Variants in CTNNA2 observed in about 807,000 individuals in gnomAD.
CTNNA2 encodes catenin alpha-2.
In CTNNA2, 42 loss-of-function variants were observed where a neutral mutation model predicts 101.0. The ratio of observed to expected loss-of-function variants is 0.42; its 90% CI spans 0.32 to 0.54. The LOEUF is 0.54. CTNNA2 is among the 20% of genes least tolerant of loss of function. The pLI is 0.14. For missense variants in CTNNA2, 871 were observed against 1,223.1 expected, an observed-to-expected ratio of 0.71 and a Z score of 4.29; for synonymous variants, 450 against 456.4, an observed-to-expected ratio of 0.99 and a Z score of 0.18.
At position 79,638,912 on chromosome 2, in the gene CTNNA2, T is replaced by C. The variant is rs1396354075; in HGVS notation, c.-5-12640T>C. Reference sequence around the variant, plus strand: ...TTCTTTATATCATGATTACTTTGTCTCCTTGACTCTCCATCCTAGAGTTAC... The same window carrying C: ...TTCTTTATATCATGATTACTTTGTCCCCTTGACTCTCCATCCTAGAGTTAC... On this transcript the variant is annotated intron_variant, in intron 1 of 18. Transcript: ENST00000402739. Among the ~76,000 whole-genome samples, 3 of 152,246 alleles carry C rather than the reference T, an allele frequency of 2.0e-5. No homozygotes were observed. The East Asian group carries it at 5.8e-4, about 29-fold the overall frequency.
chr2:79,675,842 T>A (rs1409596280), intron 2 of CTNNA2, among the ~76,000 whole-genome samples: 2 of 152,230 alleles, frequency 1.3e-5, no homozygotes, highest in East Asian at 3.8e-4. Context: ...AAAATGTAAG[T>A]TCTTCTTTCT....
At chr2:79,345,627 G>A (rs1314309241) in intron 3 of CTNNA2, among the ~76,000 whole-genome samples, 1 of 152,116 alleles carries the variant, frequency 6.6e-6, no homozygotes, top group Non-Finnish European at 1.5e-5. Flanking sequence ...GTTCTGAGGG[G>A]CCTTTAGAGA....
In CTNNA2 at chr2:79,939,262, A is replaced by T. The variant is rs533412166; in HGVS notation, c.1056+29465A>T. ...TTGTGTAGACATGGGTAGCTGAAGT[A>T]GCTTGTAGCATCTGACTCCAAATTG... On this transcript the variant is annotated intron_variant, in intron 7 of 18. Transcript: ENST00000402739. Among the ~76,000 whole-genome samples, 642 of 152,358 alleles carry T rather than the reference A, an allele frequency of 4.2e-3. 2 individuals are homozygous for T. The highest frequency in any genetic ancestry group is 0.015 in the African/African-American group (612 of 41,574).
chr2:79,504,753 ACAT>A lies in CTNNA2; in HGVS notation c.-134-297_-134-295del, dbSNP rs1249752760. On this transcript the variant is annotated intron_variant, in intron 4 of 21. Coordinates refer to the CTNNA2 transcript ENST00000466387. Reference sequence around the variant, plus strand: ...AGTGGATGCATCTTGATCAGGAGAAACATCATGTCATTGTCTTTTTAGTTGTAT... The same window carrying A: ...AGTGGATGCATCTTGATCAGGAGAAACATGTCATTGTCTTTTTAGTTGTAT... Among the ~76,000 whole-genome samples the A allele has an allele frequency of 3.9e-5, 6 of 152,292 alleles. 1 individual carries two copies. The East Asian group carries it at 9.6e-4, about 24-fold the overall frequency.
chr2:80,125,195 C>T (rs1312723539), intron 7 of CTNNA2, among the ~76,000 whole-genome samples: 2 of 152,090 alleles, frequency 1.3e-5, no homozygotes, highest in African/African-American at 2.4e-5. Context: ...TGACATTTTA[C>T]AGCAGAGGAA....
intron 3 of CTNNA2, among the ~76,000 whole-genome samples, chr2:79,812,132 T>C (rs973193212): frequency 1.5e-4 from 23 of 152,198 alleles, no homozygotes; most frequent in Non-Finnish European, 3.1e-4. Flanking sequence ...TCCAATGTCA[T>C]TTTTTGTAGA....
At chr2:79,938,910 C>T (rs1687964416) in intron 7 of CTNNA2, among the ~76,000 whole-genome samples, 1 of 152,068 alleles carries the variant, frequency 6.6e-6, no homozygotes, top group African/African-American at 2.4e-5. Flanking sequence ...GTAATAAAAC[C>T]TTTGGTTCTC....
intron 3 of CTNNA2, among the ~76,000 whole-genome samples, chr2:79,856,137 G>A (rs558956089): frequency 3.9e-5 from 6 of 152,168 alleles, no homozygotes; most frequent in Non-Finnish European, 7.3e-5. Flanking sequence ...CAAGCTATTT[G>A]TGTGTGCCTA....
intron 6 of CTNNA2, among the ~76,000 whole-genome samples, chr2:79,887,319 G>T (rs1351700017): frequency 6.6e-6 from 1 of 152,160 alleles, no homozygotes; most frequent in Admixed American, 6.5e-5. Flanking sequence ...CATGAGAATT[G>T]TACTTTTTAT....
At chr2:79,254,405 G>C (rs1415816256) in intron 2 of CTNNA2, among the ~76,000 whole-genome samples, 1 of 152,088 alleles carries the variant, frequency 6.6e-6, no homozygotes, top group Admixed American at 6.6e-5. Context: ...TCCTGGTACT[G>C]TGTAGTCAGT....
chr2:79,698,003 T>TTATA (rs1412889298), intron 2 of CTNNA2: 3 of 152,080 alleles, frequency 2.0e-5, no homozygotes, highest in Non-Finnish European at 4.4e-5. Flanking sequence ...TTTTGTTATG[T>TTATA]TATAGCAATT....
chr2:79,350,620 TATA>T (rs1677365562), intron 3 of CTNNA2, among the ~76,000 whole-genome samples: 1 of 152,178 alleles, frequency 6.6e-6, no homozygotes, highest in Non-Finnish European at 1.5e-5. Flanking sequence ...TCTTTTTTAA[TATA>T]ATAATTCATT....
At chr2:79,914,077 G>A in intron 7 of CTNNA2, among the ~76,000 whole-genome samples, 1 of 146,976 alleles carries the variant, frequency 6.8e-6, no homozygotes, top group Non-Finnish European at 1.5e-5. Context: ...TGAGGCAGGA[G>A]AATGGCGTGA....
intron 3 of CTNNA2, among the ~76,000 whole-genome samples, chr2:79,838,897 GA>G (rs894841222): frequency 1.3e-5 from 2 of 152,130 alleles, no homozygotes; most frequent in African/African-American, 4.8e-5. Context: ...ATCTTTATTA[GA>G]AAATACTACT....
At chr2:79,185,778 G>A (rs1211408838) in intron 1 of CTNNA2, among the ~76,000 whole-genome samples, 2 of 152,012 alleles carry the variant, frequency 1.3e-5, no homozygotes, top group East Asian at 3.9e-4. Flanking sequence ...CTGGTCATTT[G>A]GGGATGTTAG....
intron 1 of CTNNA2, among the ~76,000 whole-genome samples, chr2:79,565,691 A>G (rs1675069152): frequency 1.3e-5 from 2 of 152,154 alleles, no homozygotes; most frequent in Admixed American, 1.3e-4. Context: ...CAATTGTTGA[A>G]GTCATACAGG....
chr2:80,034,069 C>T (rs899068435), intron 7 of CTNNA2, among the ~76,000 whole-genome samples: 1 of 150,034 alleles, frequency 6.7e-6, no homozygotes, highest in Non-Finnish European at 1.5e-5. Context: ...ACTGAAAATC[C>T]ATTAATCATT....
At chr2:79,193,689 A>T (rs748590230) in intron 1 of CTNNA2, among the ~76,000 whole-genome samples, 2 of 152,226 alleles carry the variant, frequency 1.3e-5, no homozygotes, top group African/African-American at 4.8e-5. Context: ...CAATTATACA[A>T]ATGTAGCTTC....
chr2:79,310,423 T>C (rs1336722947), intron 2 of CTNNA2, among the ~76,000 whole-genome samples: 1 of 152,214 alleles, frequency 6.6e-6, no homozygotes, highest in Admixed American at 6.5e-5. Flanking sequence ...TATATGCTTT[T>C]CCTACATACA....
Sources: allele counts gnomAD v4.1 joint callset (sites outside exome capture counted in the v4.1 genomes callset), GRCh38; gene constraint gnomAD v4.1.1; transcripts MANE v1.5; gene names NCBI Gene and HGNC (gene_info 2026-07-23, HGNC 2026-07-21).